The following FRYL variants were observed in gnomAD, a reference collection of about 807,000 sequenced individuals.
FRYL encodes the protein protein furry homolog-like.
FRYL carries 150 observed loss-of-function variants against 351.2 expected under a neutral mutation model. That is an observed-to-expected ratio of 0.43 (90% CI 0.37 to 0.49). The LOEUF (loss-of-function observed/expected upper bound fraction) is 0.49, where lower values mean the gene tolerates loss of function less well. Among genes scored for constraint, FRYL ranks in the 20% least tolerant of loss-of-function variants. The pLI, the probability that FRYL is intolerant of heterozygous loss-of-function variation, is 0.00. For missense variants in FRYL, 3,036 were observed against 3,619.3 expected (o/e 0.84, Z 4.13); for synonymous variants, 1,153 against 1,257.1 (o/e 0.92, Z 1.75).
chr4:48,717,326 G>A (rs1343045077), intron 1 of FRYL, among the ~76,000 whole-genome samples: 2 of 151,222 alleles, frequency 1.3e-5, no homozygotes, highest in African/African-American at 4.9e-5. Context: ...ACTCACAAAA[G>A]GCCACGTAGT....
chr4:48,565,591 G>C lies in FRYL; in HGVS notation c.3270C>G (p.Pro1090=), dbSNP rs1433072779. ...WAGPFSIMFT[P]LDRYSDRNMQ... ...TATTTCTATCACTGTATCTGTCCAA[G>C]GGCGTAAACATGATGCTAAAAGGAC... Residue 1090 remains proline, a synonymous_variant, in exon 29 of 64, where the codon CCC becomes CCG. Coordinates refer to ENST00000358350, the MANE Select transcript of FRYL (RefSeq NM_015030.2). 3 of 1,613,664 alleles carry C rather than the reference G, an allele frequency of 1.9e-6. No individual in the cohort carries two copies. The highest frequency in any genetic ancestry group is 2.5e-6 in the Non-Finnish European group (3 of 1,179,848).
At chr4:48,769,339 A>G (rs1775288820) in intron 1 of FRYL, among the ~76,000 whole-genome samples, 1 of 152,256 alleles carries the variant, frequency 6.6e-6, no homozygotes, top group Non-Finnish European at 1.5e-5. Flanking sequence ...TTAGGGAAAC[A>G]GTTAATTTAG....
chr4:48,659,287 G>A (rs1257823834), intron 3 of FRYL, among the ~76,000 whole-genome samples: 2 of 151,324 alleles, frequency 1.3e-5, no homozygotes, highest in African/African-American at 2.4e-5. Flanking sequence ...GGAGGCGGAG[G>A]TTGCAGGGAG....
intron 4 of FRYL, among the ~76,000 whole-genome samples, chr4:48,626,061 T>C (rs1337852963): frequency 6.6e-6 from 1 of 152,100 alleles, no homozygotes. Context: ...TTCTAGTACT[T>C]GGTGGTATCC....
At chr4:48,561,911 G>A (rs759469365) in intron 32 of FRYL, among the ~76,000 whole-genome samples, 13 of 152,142 alleles carry the variant, frequency 8.5e-5, no homozygotes, top group Admixed American at 2.0e-4. Context: ...AGCTACTCAG[G>A]AGGCTGAGGG....
At chr4:48,711,784 G>GACCCCCC (rs1346707420) in intron 1 of FRYL, among the ~76,000 whole-genome samples, 5 of 152,204 alleles carry the variant, frequency 3.3e-5, no homozygotes, top group African/African-American at 4.8e-5. Context: ...CCTGACCCCT[G>GACCCCCC]ACCCCCCGAG....
intron 1 of FRYL, among the ~76,000 whole-genome samples, chr4:48,764,847 T>C (rs1774787878): frequency 6.6e-6 from 1 of 152,122 alleles, no homozygotes; most frequent in Non-Finnish European, 1.5e-5. Flanking sequence ...ATAGGAAAAG[T>C]GATTTTTTTT....
rs78290534 is a variant in FRYL at position 48,622,413 on chromosome 4, G to A, written c.174+713C>T. Among the ~76,000 whole-genome samples, 66 of 152,248 alleles carry A rather than the reference G, an allele frequency of 4.3e-4. 1 individual carries two copies. Among genetic ancestry groups the A allele is most frequent in the African/African-American group, 1.6e-3 (65 of 41,582 alleles). ...ATGTATCAGAATCACCTAGGAAGCT[G>A]TTGTACATACAGGGGCCAGAGCACC... On this transcript the variant is annotated intron_variant, in intron 5 of 63. Coordinates refer to ENST00000358350, the MANE Select transcript of FRYL (RefSeq NM_015030.2).
intron 1 of FRYL, among the ~76,000 whole-genome samples, chr4:48,739,786 G>A (rs915706146): frequency 5.9e-5 from 9 of 152,286 alleles, no homozygotes; most frequent in African/African-American, 2.2e-4. Flanking sequence ...TTGAGACACA[G>A]GGCCTTTAAG....
intron 2 of FRYL, among the ~76,000 whole-genome samples, chr4:48,705,108 G>C (rs1767174023): frequency 6.6e-6 from 1 of 152,042 alleles, no homozygotes; most frequent in Non-Finnish European, 1.5e-5. Flanking sequence ...GTGACGGTGA[G>C]ACTGTCTTAA....
intron 26 of FRYL, 55 bp downstream of exon 26, chr4:48,573,131 A>C (rs1738741498): frequency 7.4e-7 from 1 of 1,343,390 alleles, no homozygotes; most frequent in African/African-American, 1.4e-5. Context: ...TATAACATGT[A>C]AATATGGCAG....
chr4:48,683,684 C>G (rs1204448276), intron 3 of FRYL, among the ~76,000 whole-genome samples: 1 of 152,110 alleles, frequency 6.6e-6, no homozygotes, highest in African/African-American at 2.4e-5. Context: ...TGCCCTGAAG[C>G]AGGTATAGAT....
intron 3 of FRYL, among the ~76,000 whole-genome samples, chr4:48,644,932 T>C (rs1260156816): frequency 5.3e-5 from 8 of 151,358 alleles, no homozygotes; most frequent in South Asian, 2.1e-4. Flanking sequence ...ATGTAGATGA[T>C]AGAAAATATA....
At chr4:48,614,752 A>G (rs1246105887) in intron 7 of FRYL, among the ~76,000 whole-genome samples, 4 of 148,662 alleles carry the variant, frequency 2.7e-5, no homozygotes, top group African/African-American at 9.8e-5. Context: ...AAGAGAAACT[A>G]TAATAACAAA....
At position 48,499,383 on chromosome 4, in the gene FRYL, A is replaced by G. The variant is rs1719043687; in HGVS notation, c.*39T>C. 1 of 1,590,872 alleles carries G rather than the reference A, an allele frequency of 6.3e-7. No individual in the cohort carries two copies. The highest frequency in any genetic ancestry group is 1.3e-5 in the African/African-American group (1 of 74,304). On this transcript the variant is annotated 3_prime_UTR_variant, in exon 64 of 64. Coordinates refer to ENST00000358350, the MANE Select transcript of FRYL (RefSeq NM_015030.2). ...AGGTGCTTGGTTAATATTCTTCATC[A>G]TCTTCAGTTTAGTTTCTTTCCTAAA...
intron 47 of FRYL, among the ~76,000 whole-genome samples, chr4:48,539,055 CAG>C (rs1331067632): frequency 6.6e-6 from 1 of 152,108 alleles, no homozygotes; most frequent in African/African-American, 2.4e-5. Flanking sequence ...CAAATGTTAA[CAG>C]ATGATTTATA....
chr4:48,545,456 T>C lies in FRYL; in HGVS notation c.5280-552A>G, dbSNP rs1731135642. ...CTCTAATGCATCCTACACGCTGTTA[T>C]GGGGCTGATTTTCTCCACATACTTA... On this transcript the variant is annotated intron_variant, in intron 42 of 63. Transcript: ENST00000358350. 1.3e-5 allele frequency among the ~76,000 whole-genome samples: 2 copies of C among 152,168 alleles called. 1 individual carries two copies. Among genetic ancestry groups the C allele is most frequent in the South Asian group, 4.1e-4 (2 of 4,830 alleles).
chr4:48,734,908 G>C (rs1221214960), intron 1 of FRYL, among the ~76,000 whole-genome samples: 1 of 151,952 alleles, frequency 6.6e-6, no homozygotes, highest in East Asian at 1.9e-4. Context: ...ACATAGGCGT[G>C]GGCAAGGACT....
chr4:48,769,306 TAAA>T (rs1336828300), intron 1 of FRYL, among the ~76,000 whole-genome samples: 1 of 152,044 alleles, frequency 6.6e-6, no homozygotes. Flanking sequence ...AACTCTACAA[TAAA>T]AAACAATCCC....
Sources: gnomAD v4.1 joint callset for allele counts (sites outside exome capture counted in the v4.1 genomes callset) on GRCh38, gnomAD v4.1.1 for gene constraint, MANE v1.5 for transcripts, NCBI Gene and HGNC (gene_info 2026-07-23, HGNC 2026-07-21) for gene names.